Variants in AP1G1 observed in about 807,000 individuals in gnomAD.
AP1G1 encodes the protein adaptor related protein complex 1 subunit gamma 1.
A neutral mutation model predicts 108.3 loss-of-function variants in AP1G1; 7 were observed. That is an observed-to-expected ratio of 0.06 (90% CI 0.04 to 0.12). AP1G1 has a LOEUF of 0.12. AP1G1 is among the 10% of genes least tolerant of loss of function. AP1G1 has a pLI of 1.00. For missense variants in AP1G1, 756 were observed against 1,010.7 expected (o/e 0.75, Z 3.42); for synonymous variants, 379 against 353.5 (o/e 1.07, Z -0.81).
In AP1G1 at chr16:71,733,178, A is replaced by G. The variant is rs778435079; in HGVS notation, c.2368-19T>C. On this transcript the variant is annotated intron_variant, in intron 22 of 22. Transcript: ENST00000299980. ...GCTGTTGCTATAAGAGGAAAAGAGA[A>G]GTGCAAATTATATACTGAAATGAAA... 20 of 1,577,312 alleles carry G rather than the reference A, an allele frequency of 1.3e-5. No homozygotes were observed. Among genetic ancestry groups the G allele is most frequent in the Non-Finnish European group, 6.1e-6 (7 of 1,147,186 alleles).
chr16:71,797,582 T>C (rs957603088), intron 1 of AP1G1, among the ~76,000 whole-genome samples: 2 of 152,016 alleles, frequency 1.3e-5, no homozygotes, highest in Non-Finnish European at 2.9e-5. Flanking sequence ...AGGCAGATCA[T>C]GAGGTCAGGA....
intron 2 of AP1G1, among the ~76,000 whole-genome samples, chr16:71,780,836 T>G (rs996947074): frequency 1.3e-5 from 2 of 151,406 alleles, no homozygotes; most frequent in Non-Finnish European, 2.9e-5. Flanking sequence ...TTTTTTTTTT[T>G]GAGCTGGAGT....
chr16:71,750,433 G>A, intron 13 of AP1G1, 101 bp from the exon 14 acceptor site: 1 of 1,448,306 alleles, frequency 6.9e-7, no homozygotes, highest in South Asian at 1.3e-5. Context: ...TTCTTTTTTT[G>A]AGACAGAGTC....
chr16:71,799,026 T>C (rs1257514524), intron 1 of AP1G1, among the ~76,000 whole-genome samples: 4 of 151,796 alleles, frequency 2.6e-5, no homozygotes, highest in Admixed American at 2.6e-4. Context: ...GAGCAGACAA[T>C]TCTCGGTAAA....
intron 15 of AP1G1, 79 bp from the exon 16 acceptor site, chr16:71,748,457 G>A (rs1047421413): frequency 7.8e-5 from 115 of 1,467,076 alleles, no homozygotes; most frequent in Non-Finnish European, 1.0e-4. Flanking sequence ...CAAGTCAGGG[G>A]AAGCAGCCAG....
chr16:71,791,225 C>CAAAAAAAAAAAAAAAAAAAAAAAA (rs397941817), intron 1 of AP1G1, among the ~76,000 whole-genome samples: 1 of 111,198 alleles, frequency 9.0e-6, no homozygotes, highest in African/African-American at 3.2e-5. Flanking sequence ...CTCAAAAAAA[C>CAAAAAAAAAAAAAAAAAAAAAAAA]AAAAAAAAAA....
At chr16:71,775,323 C>T (rs748303799) in intron 2 of AP1G1, among the ~76,000 whole-genome samples, 19 of 152,082 alleles carry the variant, frequency 1.2e-4, no homozygotes, top group Non-Finnish European at 2.2e-4. Context: ...TGAGCCACCG[C>T]GCCCGGCCAA....
intron 2 of AP1G1, among the ~76,000 whole-genome samples, chr16:71,778,660 G>A (rs985195273): frequency 6.1e-5 from 9 of 147,204 alleles, no homozygotes; most frequent in Admixed American, 2.8e-4. Flanking sequence ...TCCAGCCAGG[G>A]CAACAAATTG....
At chr16:71,783,196 A>G (rs997281611) in intron 2 of AP1G1, among the ~76,000 whole-genome samples, 2 of 152,178 alleles carry the variant, frequency 1.3e-5, no homozygotes, top group African/African-American at 4.8e-5. Flanking sequence ...GGCTATTATC[A>G]TCACTTATTT....
chr16:71,808,530 A>C (rs2033080261), intron 1 of AP1G1: 1 of 1,281,026 alleles, frequency 7.8e-7, no homozygotes, highest in African/African-American at 1.5e-5. Flanking sequence ...ACAACACGGA[A>C]CGCCGCGGCG....
At chr16:71,756,316 A>G in intron 11 of AP1G1, 157 bp from the exon 12 acceptor site, 1 of 579,022 alleles carries the variant, frequency 1.7e-6, no homozygotes. Context: ...ATAACCAAGG[A>G]GATGTATTCT....
At chr16:71,806,341 G>C (rs1227783919) in intron 1 of AP1G1, among the ~76,000 whole-genome samples, 4 of 152,330 alleles carry the variant, frequency 2.6e-5, no homozygotes, top group African/African-American at 9.6e-5. Flanking sequence ...CTAGGAATTT[G>C]TTAAGGCAAA....
chr16:71,767,066 T>G (rs2031347423), intron 6 of AP1G1, among the ~76,000 whole-genome samples: 1 of 152,220 alleles, frequency 6.6e-6, no homozygotes, highest in Non-Finnish European at 1.5e-5. Context: ...CTGTTTTTTT[T>G]GTACTAGATA....
chr16:71,779,504 C>G (rs1214711412), intron 2 of AP1G1, among the ~76,000 whole-genome samples: 2 of 151,992 alleles, frequency 1.3e-5, no homozygotes, highest in African/African-American at 4.8e-5. Flanking sequence ...CCAACCCCAG[C>G]TAATTTTTGT....
intron 1 of AP1G1, chr16:71,808,303 G>A (rs1202903634): frequency 2.5e-6 from 2 of 806,380 alleles, no homozygotes; most frequent in South Asian, 2.0e-5. Context: ...GGCACTGCAG[G>A]GGCAGGCAGC....
At chr16:71,767,939 G>A (rs1200564822) in intron 6 of AP1G1, 1 of 1,571,444 alleles carries the variant, frequency 6.4e-7, no homozygotes, top group African/African-American at 1.3e-5. Context: ...TACAAAGCAA[G>A]CATTAGGGAC....
At chr16:71,763,591 T>C (rs2031193525) in intron 9 of AP1G1, among the ~76,000 whole-genome samples, 1 of 152,218 alleles carries the variant, frequency 6.6e-6, no homozygotes, top group Non-Finnish European at 1.5e-5. Context: ...TCCAAGATAA[T>C]GTTAGGTGAA....
At chr16:71,760,547 A>AC (rs1236693141) in intron 10 of AP1G1, among the ~76,000 whole-genome samples, 1 of 145,490 alleles carries the variant, frequency 6.9e-6, no homozygotes, top group Non-Finnish European at 1.5e-5. Flanking sequence ...CTCCATCTCA[A>AC]AAAAAAAAAA....
chr16:71,777,712 C>A, intron 2 of AP1G1: 1 of 451,548 alleles, frequency 2.2e-6, no homozygotes, highest in South Asian at 1.6e-5. Flanking sequence ...CCTCTTCGGG[C>A]CCGTTCTCCT....
Sources: allele counts gnomAD v4.1 joint callset (sites outside exome capture counted in the v4.1 genomes callset), GRCh38; gene constraint gnomAD v4.1.1; transcripts MANE v1.5; gene names NCBI Gene and HGNC (gene_info 2026-07-23, HGNC 2026-07-21).